SSBP3: variants seen among roughly 807,000 people sequenced by gnomAD.
SSBP3 encodes the protein single stranded DNA binding protein 3.
Under a neutral mutation model 69.6 loss-of-function variants are expected in SSBP3, and 5 were observed. That is an observed-to-expected ratio of 0.07 (90% CI 0.04 to 0.15). The LOEUF is 0.15. SSBP3 is among the 10% of genes least tolerant of loss of function. The probability of loss-of-function intolerance (pLI) is 1.00; values close to 1 mark genes in which losing one functional copy is unlikely to be tolerated. For missense variants in SSBP3, 312 were observed against 534.0 expected (o/e 0.58, Z 4.10); for synonymous variants, 196 against 193.4 (o/e 1.01, Z -0.11).
At chr1:54,311,561 C>T (rs1461546782) in intron 4 of SSBP3, among the ~76,000 whole-genome samples, 2 of 152,146 alleles carry the variant, frequency 1.3e-5, no homozygotes, top group African/African-American at 2.4e-5. Flanking sequence ...CCCTGCCTAC[C>T]TCATGGGGCC....
intron 5 of SSBP3, 103 bp downstream of exon 5, chr1:54,281,335 C>T (rs759303354): frequency 1.1e-5 from 10 of 887,834 alleles, no homozygotes; most frequent in Non-Finnish European, 1.5e-5. Flanking sequence ...GTATTTAGAC[C>T]ATGGCAAACT....
intron 5 of SSBP3, among the ~76,000 whole-genome samples, chr1:54,278,327 T>C (rs747273464): frequency 1.0e-5 from 1 of 95,590 alleles, no homozygotes; most frequent in South Asian, 3.4e-4. Context: ...ATATTAGGGC[T>C]TTTTTTTTTT....
At chr1:54,379,907 C>T (rs1487952649) in intron 4 of SSBP3, among the ~76,000 whole-genome samples, 1 of 152,226 alleles carries the variant, frequency 6.6e-6, no homozygotes, top group Non-Finnish European at 1.5e-5. Context: ...AAACACGAGG[C>T]TTTCACTCTG....
chr1:54,293,783 C>T (rs562005316), intron 4 of SSBP3, among the ~76,000 whole-genome samples: 2 of 152,360 alleles, frequency 1.3e-5, no homozygotes, highest in Non-Finnish European at 1.5e-5. Flanking sequence ...ATGGTGTGCA[C>T]AGCACAGGGA....
At position 54,242,135 on chromosome 1, in the gene SSBP3, A is replaced by C. The variant is rs761620030; in HGVS notation, c.765+29T>G. The C allele has an allele frequency of 2.2e-5, 35 of 1,611,232 alleles. No homozygotes were observed. The Admixed American group carries it at 2.3e-4, about 11-fold the overall frequency. On this transcript the variant is annotated intron_variant, in intron 11 of 17. Coordinates refer to ENST00000610401, the Ensembl canonical transcript of SSBP3. ...GCACCCAGAACCGCTCCCCTGACAA[A>C]CACCACCCCACCCGACCCAGGTACT...
At chr1:54,351,999 A>T (rs1264041056) in intron 4 of SSBP3, among the ~76,000 whole-genome samples, 8 of 152,168 alleles carry the variant, frequency 5.3e-5, no homozygotes, top group Non-Finnish European at 7.3e-5. Flanking sequence ...AAAACACATG[A>T]AGACCCCCGA....
chr1:54,369,226 G>GGA (rs1553146737), intron 4 of SSBP3, among the ~76,000 whole-genome samples: 1 of 149,318 alleles, frequency 6.7e-6, no homozygotes, highest in South Asian at 2.1e-4. Flanking sequence ...GTCGGGGGGG[G>GGA]GGCCCAAGCC....
upstream of SSBP3, among the ~76,000 whole-genome samples, chr1:54,410,816 G>A (rs562001191): frequency 1.3e-5 from 2 of 152,304 alleles, no homozygotes; most frequent in South Asian, 2.1e-4. Context: ...ATGGGGAATC[G>A]CCTACTAGGC....
At chr1:54,233,086 G>T (rs1434826936) in intron 14 of SSBP3, among the ~76,000 whole-genome samples, 2 of 150,380 alleles carry the variant, frequency 1.3e-5, no homozygotes, top group Admixed American at 1.3e-4. Flanking sequence ...GCCCACTCTG[G>T]AAAGTGAGGA....
intron 4 of SSBP3, among the ~76,000 whole-genome samples, chr1:54,329,308 C>T (rs559439815): frequency 1.3e-5 from 2 of 152,194 alleles, no homozygotes; most frequent in Non-Finnish European, 1.5e-5. Flanking sequence ...ATCTTTCTGA[C>T]ATTTTAAAAT....
intron 4 of SSBP3, among the ~76,000 whole-genome samples, chr1:54,365,349 CGT>C (rs151153722): frequency 1.1e-3 from 159 of 151,200 alleles, no homozygotes; most frequent in African/African-American, 3.5e-3. Flanking sequence ...GAAAGGTGTG[CGT>C]GTGTGTGTGT....
chr1:54,282,227 T>G (rs1645408435), intron 4 of SSBP3, among the ~76,000 whole-genome samples: 2 of 152,204 alleles, frequency 1.3e-5, no homozygotes, highest in East Asian at 3.9e-4. Context: ...GCCCAGCTAC[T>G]CTGAGAAGCT....
chr1:54,246,555 A>G (rs936718750), intron 9 of SSBP3, among the ~76,000 whole-genome samples: 18 of 152,168 alleles, frequency 1.2e-4, no homozygotes, highest in African/African-American at 7.2e-5. Flanking sequence ...CCCTCTTGAC[A>G]TGCAGTACGC....
chr1:54,339,561 T>G (rs573018993), intron 4 of SSBP3, among the ~76,000 whole-genome samples: 1 of 151,374 alleles, frequency 6.6e-6, no homozygotes, highest in South Asian at 2.1e-4. Flanking sequence ...TAGCACATAG[T>G]AACCACTAAA....
At chr1:54,306,349 G>C (rs1005016431) in intron 4 of SSBP3, among the ~76,000 whole-genome samples, 2 of 152,194 alleles carry the variant, frequency 1.3e-5, no homozygotes, top group Non-Finnish European at 2.9e-5. Context: ...TGGAGAACAG[G>C]GGACAGCTAC....
At chr1:54,365,982 G>A (rs370372491) in intron 4 of SSBP3, among the ~76,000 whole-genome samples, 248 of 152,246 alleles carry the variant, frequency 1.6e-3, no homozygotes, top group African/African-American at 5.7e-3. Flanking sequence ...TGACCTCACG[G>A]AGTTACTGAT....
At chr1:54,337,421 G>C (rs1028231412) in intron 4 of SSBP3, among the ~76,000 whole-genome samples, 1 of 147,354 alleles carries the variant, frequency 6.8e-6, no homozygotes, top group African/African-American at 2.5e-5. Flanking sequence ...GGCTGTTCTC[G>C]CTCCAGTCTC....
At chr1:54,349,451 G>A (rs891661524) in intron 4 of SSBP3, among the ~76,000 whole-genome samples, 1 of 152,190 alleles carries the variant, frequency 6.6e-6, no homozygotes, top group Non-Finnish European at 1.5e-5. Flanking sequence ...GACCATCTTG[G>A]GGACAGAAGA....
chr1:54,242,268 G>T, intron 10 of SSBP3, 56 bp from the exon 11 acceptor site: 1 of 1,600,844 alleles, frequency 6.2e-7, no homozygotes, highest in Non-Finnish European at 8.6e-7. Context: ...AACTCCAAGC[G>T]GTGGAGGCAG....
Sources: allele counts gnomAD v4.1 joint callset (sites outside exome capture counted in the v4.1 genomes callset), GRCh38; gene constraint gnomAD v4.1.1; transcripts MANE v1.5; gene names NCBI Gene and HGNC (gene_info 2026-07-23, HGNC 2026-07-21).